Variants in CNOT4 observed in about 807,000 individuals in gnomAD.
CNOT4 encodes CCR4-NOT transcription complex subunit 4, also known as CCR4-associated factor 4.
A neutral mutation model predicts 73.8 loss-of-function variants in CNOT4; 8 were observed. That is an observed-to-expected ratio of 0.11 (90% CI 0.06 to 0.20). The LOEUF is 0.20. Among genes scored for constraint, CNOT4 ranks in the 10% least tolerant of loss-of-function variants. CNOT4 has a pLI of 1.00. For synonymous variants in CNOT4, 293 were observed against 321.1 expected, an observed-to-expected ratio of 0.91 and a Z score of 0.94; for missense variants, 564 against 883.4, an observed-to-expected ratio of 0.64 and a Z score of 4.58.
chr7:135,475,339 C>A (rs563134064), intron 1 of CNOT4, among the ~76,000 whole-genome samples: 1 of 152,140 alleles, frequency 6.6e-6, no homozygotes, highest in Non-Finnish European at 1.5e-5. Context: ...TTAAGCATAT[C>A]ATGACTAAAA....
At chr7:135,382,238 A>T (rs1401693098) in intron 10 of CNOT4, among the ~76,000 whole-genome samples, 3 of 152,198 alleles carry the variant, frequency 2.0e-5, no homozygotes, top group African/African-American at 7.2e-5. Context: ...ACAGAGTAGA[A>T]TCTTCTTAAT....
rs1797016527 is a variant in CNOT4, at chr7:135,401,812, T to C, written c.822-3586A>G. 3.9e-5 allele frequency among the ~76,000 whole-genome samples: 6 copies of C among 152,174 alleles called. 1 individual carries two copies. The highest frequency in any genetic ancestry group is 3.9e-4 in the Admixed American group (6 of 15,290). ...AGGAGTTGAGAAGACTGACTACACC[T>C]GTACTTCACTCATACAATGAAACTG... is the stretch of plus-strand genomic sequence containing the variant. On this transcript the variant is annotated intron_variant, in intron 7 of 11. Coordinates refer to ENST00000541284, the MANE Select transcript of CNOT4 (RefSeq NM_001190850.2).
intron 10 of CNOT4, among the ~76,000 whole-genome samples, chr7:135,389,411 T>C (rs1451970409): frequency 6.6e-6 from 1 of 152,042 alleles, no homozygotes; most frequent in African/African-American, 2.4e-5. Context: ...ATCTGAAAAT[T>C]CAAGTTTACC....
chr7:135,500,574 A>G lies in CNOT4; in HGVS notation c.-93+9315T>C, dbSNP rs148582336. ...TGTTTTTTAATATTACCTGTGCAAA[A>G]CAAAGATATCGAAGTAAATGAAAGG... On this transcript the variant is annotated intron_variant, in intron 1 of 11. Transcript: ENST00000541284. 2.1e-3 allele frequency among the ~76,000 whole-genome samples: 326 copies of G among 152,328 alleles called. 1 individual carries two copies. Among genetic ancestry groups the G allele is most frequent in the African/African-American group, 7.0e-3 (292 of 41,586 alleles).
chr7:135,388,785 G>C (rs1554425629), intron 10 of CNOT4: 1 of 1,611,798 alleles, frequency 6.2e-7, no homozygotes, highest in Non-Finnish European at 8.5e-7. Flanking sequence ...TCTCCTCTCA[G>C]TTCTGTTGTC....
chr7:135,485,673 C>A (rs970699628), intron 1 of CNOT4, among the ~76,000 whole-genome samples: 1 of 146 alleles, frequency 6.8e-3, no homozygotes, highest in African/African-American at 0.036. Flanking sequence ...ATAAATGGTG[C>A]GAGAGCAATG....
intron 1 of CNOT4, among the ~76,000 whole-genome samples, chr7:135,496,688 T>A (rs1205171430): frequency 6.6e-6 from 1 of 152,128 alleles, no homozygotes; most frequent in Non-Finnish European, 1.5e-5. Context: ...TTCCTTTGGA[T>A]TCTGAGCCAA....
chr7:135,420,939 T>C (rs540172593), intron 3 of CNOT4, among the ~76,000 whole-genome samples: 62 of 152,284 alleles, frequency 4.1e-4, no homozygotes, highest in African/African-American at 1.5e-3. Flanking sequence ...ATATCAACTC[T>C]AGACCACTCC....
At chr7:135,418,141 T>C (rs1038741811) in intron 3 of CNOT4, among the ~76,000 whole-genome samples, 1 of 152,196 alleles carries the variant, frequency 6.6e-6, no homozygotes, top group Admixed American at 6.5e-5. Context: ...TTTGTAACAA[T>C]AGTGGGCCTC....
intron 3 of CNOT4, among the ~76,000 whole-genome samples, chr7:135,415,688 GAACA>G (rs1797835133): frequency 6.6e-6 from 1 of 152,106 alleles, no homozygotes; most frequent in African/African-American, 2.4e-5. Flanking sequence ...AGAATTGAAA[GAACA>G]GACATAAAGA....
At chr7:135,473,294 A>G (rs1416796731) in intron 1 of CNOT4, among the ~76,000 whole-genome samples, 2 of 152,210 alleles carry the variant, frequency 1.3e-5, no homozygotes, top group African/African-American at 2.4e-5. Context: ...TAAGTTATTT[A>G]CAATTTAAAA....
In CNOT4 at chr7:135,504,160, A is replaced by G. The variant is rs144834853; in HGVS notation, c.-93+5729T>C. On this transcript the variant is annotated intron_variant, in intron 1 of 11. Transcript: ENST00000541284. ...ATTTCAGATATTTGGATTAATGACCATGTATCTGTTTGTTGCTATTAAGAA... is the reference window on the plus strand; with the variant it reads ...ATTTCAGATATTTGGATTAATGACCGTGTATCTGTTTGTTGCTATTAAGAA... 8.7e-4 allele frequency among the ~76,000 whole-genome samples: 133 copies of G among 152,292 alleles called. 1 individual carries two copies. In the East Asian group the frequency reaches 0.01, roughly 12 times the overall value.
chr7:135,394,476 G>A, intron 9 of CNOT4, 61 bp from the exon 10 acceptor site: 1 of 1,335,806 alleles, frequency 7.5e-7, no homozygotes, highest in South Asian at 1.4e-5. Context: ...TACTTAATAA[G>A]TATCCATGCT....
intron 7 of CNOT4, among the ~76,000 whole-genome samples, chr7:135,400,738 A>T (rs1585587561): frequency 6.6e-6 from 1 of 152,162 alleles, no homozygotes; most frequent in East Asian, 1.9e-4. Flanking sequence ...TTTATCAAAG[A>T]TGTTTTAAAA....
chr7:135,454,704 C>T (rs906945594), intron 1 of CNOT4, among the ~76,000 whole-genome samples: 14 of 151,806 alleles, frequency 9.2e-5, no homozygotes, highest in African/African-American at 3.1e-4. Context: ...CCAGCCTGGG[C>T]AACGTGGTGA....
intron 7 of CNOT4, among the ~76,000 whole-genome samples, chr7:135,403,125 T>C (rs1797090870): frequency 6.6e-6 from 1 of 152,234 alleles, no homozygotes; most frequent in African/African-American, 2.4e-5. Context: ...ACATAAAATT[T>C]ACATAAGGAT....
At chr7:135,427,591 C>A (rs965590036) in intron 2 of CNOT4, among the ~76,000 whole-genome samples, 4 of 152,100 alleles carry the variant, frequency 2.6e-5, no homozygotes, top group African/African-American at 7.2e-5. Flanking sequence ...TCTCTTTAAA[C>A]CAAGAGTTAT....
chr7:135,471,694 C>G (rs1046129298), intron 1 of CNOT4, among the ~76,000 whole-genome samples: 7 of 152,342 alleles, frequency 4.6e-5, no homozygotes, highest in Admixed American at 1.3e-4. Flanking sequence ...GACCCATACA[C>G]TCTTCCGTTC....
At chr7:135,446,057 ATATC>A (rs1347676872) in intron 1 of CNOT4, among the ~76,000 whole-genome samples, 1 of 152,096 alleles carries the variant, frequency 6.6e-6, no homozygotes, top group African/African-American at 2.4e-5. Flanking sequence ...AATTTTTTAA[ATATC>A]TATATAGATG....
Sources: allele counts gnomAD v4.1 joint callset (sites outside exome capture counted in the v4.1 genomes callset), GRCh38; gene constraint gnomAD v4.1.1; transcripts MANE v1.5; gene names NCBI Gene and HGNC (gene_info 2026-07-23, HGNC 2026-07-21).